SLC5A5: variants seen among roughly 807,000 people sequenced by gnomAD.
SLC5A5 encodes the protein sodium/iodide cotransporter.
A neutral mutation model predicts 68.6 loss-of-function variants in SLC5A5; 56 were observed. The observed-to-expected ratio is 0.82, with a 90% CI of 0.66 to 1.02. The LOEUF (loss-of-function observed/expected upper bound fraction) is 1.02. Ranked by LOEUF, SLC5A5 falls within the 50% of genes least tolerant of loss-of-function variation. The pLI is 0.00. For synonymous variants in SLC5A5, 398 were observed against 373.0 expected, an observed-to-expected ratio of 1.07 and a Z score of -0.77; for missense variants, 807 against 859.8, an observed-to-expected ratio of 0.94 and a Z score of 0.77.
rs201720907 is a variant in SLC5A5, at chr19:17,883,747, C to T, written c.1309C>T (p.Leu437=). ...GGGAGCCTTCATCTTGGGAATGTTC[C>T]TGCCGGCCTGCAACACACCGGTGAG... ...LLGAFILGMF[L]PACNTPGVLA... The change falls in exon 11 of 15, where the codon CTG becomes TTG. Residue 437 remains leucine (L), a synonymous_variant. Coordinates refer to ENST00000222248, the MANE Select transcript of SLC5A5 (RefSeq NM_000453.3). The T allele has an allele frequency of 2.9e-5, 46 of 1,582,322 alleles. No individual in the cohort carries two copies. The highest frequency in any genetic ancestry group is 3.8e-5 in the Non-Finnish European group (44 of 1,161,814).
Position 17,883,746 on chromosome 19 carries a change from C to T in SLC5A5, c.1308C>T (p.Phe436=), listed in dbSNP as rs550806367. ...PLLGAFILGM[F]LPACNTPGVL... is the part of the protein sequence containing the mutation. ...TGGGAGCCTTCATCTTGGGAATGTT[C>T]CTGCCGGCCTGCAACACACCGGTGA... Residue 436 remains phenylalanine (F), a synonymous_variant, in exon 11 of 15, where the codon TTC becomes TTT. Coordinates refer to ENST00000222248, the MANE Select transcript of SLC5A5 (RefSeq NM_000453.3). The T allele has an allele frequency of 3.3e-5, 53 of 1,613,106 alleles. No homozygotes were observed. In the East Asian group the frequency reaches 9.4e-4, roughly 29 times the overall value.
chr19:17,872,268 G>C lies in SLC5A5; in HGVS notation c.-52G>C. 1 of 789,822 alleles carries C rather than the reference G, an allele frequency of 1.3e-6. No homozygotes were observed. Among genetic ancestry groups the C allele is most frequent in the Non-Finnish European group, 1.8e-6 (1 of 541,638 alleles). 48.9% of individuals were successfully genotyped at this position (789,822 alleles called of 1,614,324 possible). On this transcript the variant is annotated 5_prime_UTR_variant, in exon 1 of 15. Coordinates refer to ENST00000222248, the MANE Select transcript of SLC5A5 (RefSeq NM_000453.3). ...TCCTCGGCCCCTGCCAGCTTCCCCC[G>C]CTTGAGCACGCAGGGCGTCCGAGGA...
intron 7 of SLC5A5, among the ~76,000 whole-genome samples, chr19:17,879,325 C>CACAAAA (rs1471819209): frequency 1.3e-5 from 2 of 151,932 alleles, no homozygotes; most frequent in Admixed American, 6.6e-5. Context: ...AAAACAAACC[C>CACAAAA]ACAAAAACAA....
rs2094300531 is a variant in SLC5A5, at chr19:17,874,019, T to C, written c.358-119T>C. 1.2e-5 allele frequency: 9 copies of C among 738,976 alleles called. No individual in the cohort carries two copies. In the South Asian group the frequency reaches 1.3e-4, roughly 11 times the overall value. 45.8% of individuals were successfully genotyped at this position (738,976 alleles called of 1,614,324 possible). ...GCGGCGGGGCCCCCACGTGCAAGAA[T>C]CTGGCGGGCGCGGTTGGCTTCCGGA... On this transcript the variant is annotated intron_variant, in intron 1 of 14. Coordinates refer to ENST00000222248, the MANE Select transcript of SLC5A5 (RefSeq NM_000453.3).
chr19:17,878,101 C>T lies in SLC5A5; in HGVS notation c.969+8C>T. 6.2e-7 allele frequency: 1 copy of T among 1,609,912 alleles called. No homozygotes were observed. The highest frequency in any genetic ancestry group is 1.3e-5 in the African/African-American group (1 of 75,036). On this transcript the variant is annotated splice_region_variant and intron_variant, in intron 7 of 14. Transcript: ENST00000222248. ...ATCTCTGCCCCAGACCAGGTGAGTC[C>T]CACCCAGGCTCCTGGTTGGCTCTGC...
In SLC5A5 at chr19:17,880,788, G is replaced by A. The variant is rs1027830471; in HGVS notation, c.970-77G>A. The A allele has an allele frequency of 1.3e-4, 136 of 1,016,830 alleles. 4 individuals carry two copies. In the South Asian group the frequency reaches 1.7e-3, roughly 12 times the overall value. The allele number at this position is 1,016,830 out of a possible 1,614,324, so 63.0% of individuals were successfully genotyped here. Reference sequence around the variant, plus strand: ...CCTGTCCGTCTTGGGTGCTGGGGACGTGCAGCATCAGGACAGATAGATGCC... The same window carrying A: ...CCTGTCCGTCTTGGGTGCTGGGGACATGCAGCATCAGGACAGATAGATGCC... On this transcript the variant is annotated intron_variant, in intron 7 of 14. Transcript: ENST00000222248.
At chr19:17,885,130 C>G (rs931852966) in intron 12 of SLC5A5, among the ~76,000 whole-genome samples, 8 of 151,728 alleles carry the variant, frequency 5.3e-5, no homozygotes, top group Non-Finnish European at 1.2e-4. Context: ...CCTCAGCCCC[C>G]CTAGTTGCTG....
chr19:17,874,837 G>T lies in SLC5A5; in HGVS notation c.543+106G>T, dbSNP rs1006097132. 2.6e-5 allele frequency: 28 copies of T among 1,060,310 alleles called. 1 individual carries two copies. In the Admixed American group the frequency reaches 5.4e-4, roughly 20 times the overall value. 65.7% of individuals were successfully genotyped at this position (1,060,310 alleles called of 1,614,324 possible). A position where few individuals can be genotyped will look rare whatever the true frequency, so the allele number is the denominator to read the frequency against. On this transcript the variant is annotated intron_variant, in intron 4 of 14. Transcript: ENST00000222248. The stretch of plus-strand genomic sequence containing the variant: ...TTCTCCTGAGGAAGCCTCTGTCCCA[G>T]CTGGGACCCAGTGTCCTCATCTTTA...
At chr19:17,875,905 G>T (rs773748225) in intron 4 of SLC5A5, 47 bp from the exon 5 acceptor site, 4 of 1,609,810 alleles carry the variant, frequency 2.5e-6, no homozygotes, top group Admixed American at 1.7e-5. Context: ...TGAAGGCCAG[G>T]TCCCCCATCT....
intron 13 of SLC5A5, among the ~76,000 whole-genome samples, chr19:17,889,839 C>T (rs943675925): frequency 1.3e-5 from 2 of 152,132 alleles, no homozygotes; most frequent in Non-Finnish European, 2.9e-5. Flanking sequence ...GCCGGTGACT[C>T]CGCACTTGTT....
Position 17,880,867 on chromosome 19 carries a change from C to T in SLC5A5, c.972C>T (p.Tyr324=). 6.2e-7 allele frequency: 1 copy of T among 1,613,000 alleles called. No individual in the cohort carries two copies. Among genetic ancestry groups the T allele is most frequent in the East Asian group, 2.2e-5 (1 of 44,886 alleles). Residue 324 remains tyrosine (Y), a splice_region_variant and synonymous_variant, in exon 8 of 15, where the codon TAC becomes TAT. Coordinates refer to ENST00000222248, the MANE Select transcript of SLC5A5 (RefSeq NM_000453.3). ...GGCTGACCCCCAGTTCTCCCCAGTA[C>T]ATGCCTCTGCTGGTGCTGGACATCT... ...LLGRISAPDQ[Y]MPLLVLDIFE...
intron 1 of SLC5A5, among the ~76,000 whole-genome samples, chr19:17,873,079 A>T (rs2094298309): frequency 6.6e-6 from 1 of 152,162 alleles, no homozygotes; most frequent in Admixed American, 6.5e-5. Context: ...TATCTTGGGC[A>T]AGGGGCGTGC....
At position 17,892,025 on chromosome 19, in the gene SLC5A5, C is replaced by T. The variant is rs564718953; in HGVS notation, c.1767+1024C>T. On this transcript the variant is annotated intron_variant, in intron 14 of 14. Coordinates refer to ENST00000222248, the MANE Select transcript of SLC5A5 (RefSeq NM_000453.3). Reference sequence around the variant, plus strand: ...CAACCAGATGCTGTCAGGCCGGGCACGGTAGCTCACGCCTGTAATCCCAGC... The same window carrying T: ...CAACCAGATGCTGTCAGGCCGGGCATGGTAGCTCACGCCTGTAATCCCAGC... 2.2e-4 allele frequency among the ~76,000 whole-genome samples: 33 copies of T among 152,248 alleles called. No individual in the cohort carries two copies. The Middle Eastern group carries it at 0.024, about 110-fold the overall frequency.
rs1482585493 is a variant in SLC5A5, at chr19:17,872,464, A to C, written c.145A>C (p.Thr49Pro). Reference sequence around the variant, plus strand: ...GCAGCGCAGCGCTGAGGACTTCTTCACCGGGGGCCGGCGCCTGGCGGCCCT... The same window carrying C: ...GCAGCGCAGCGCTGAGGACTTCTTCCCCGGGGGCCGGCGCCTGGCGGCCCT... ...GGQRSAEDFFTGGRRLAALPV... is the reference protein window; with the variant it reads ...GGQRSAEDFFPGGRRLAALPV... The change falls in exon 1 of 15, where the codon ACC becomes CCC. Residue 49 changes from threonine to proline, a missense_variant. Physicochemically the swap from Thr to Pro is conservative, Grantham distance 38 (BLOSUM62 -1). Transcript: ENST00000222248. The C allele has an allele frequency of 6.2e-7, 1 of 1,610,906 alleles. No individual in the cohort carries two copies. The highest frequency in any genetic ancestry group is 8.5e-7 in the Non-Finnish European group (1 of 1,179,096).
chr19:17,880,363 A>G (rs1316030664), intron 7 of SLC5A5, among the ~76,000 whole-genome samples: 1 of 151,254 alleles, frequency 6.6e-6, no homozygotes, highest in Non-Finnish European at 1.5e-5. Context: ...TCCAGGTGCC[A>G]ACCACCACAC....
Position 17,883,998 on chromosome 19 carries a change from T to C in SLC5A5, c.1478T>C (p.Leu493Pro), listed in dbSNP as rs750128873. 10 of 1,572,206 alleles carry C rather than the reference T, an allele frequency of 6.4e-6. No individual in the cohort carries two copies. In the East Asian group the frequency reaches 2.1e-4, roughly 33 times the overall value. Residue 493 changes from leucine to proline, a missense_variant, in exon 12 of 15, where the codon CTC (leucine) becomes CCC (proline). Coordinates refer to ENST00000222248, the MANE Select transcript of SLC5A5 (RefSeq NM_000453.3). Reference protein sequence around the residue: ...CVALSVNASGLLDPALLPAND... With the variant: ...CVALSVNASGPLDPALLPAND... ...GCTCTCTCAGTCAACGCCTCTGGCC[T>C]CCTGGACCCGGCTCTCCTCCCTGCT...
chr19:17,873,856 C>T (rs929350721), intron 1 of SLC5A5, among the ~76,000 whole-genome samples: 8 of 152,226 alleles, frequency 5.3e-5, no homozygotes, highest in Non-Finnish European at 1.0e-4. Context: ...ACGTCGGTGT[C>T]TGCTGAGCGG....
chr19:17,890,922 TGTG>T lies in SLC5A5; in HGVS notation c.1693_1695del (p.Trp565del). 1 of 1,614,064 alleles carries T rather than the reference TGTG, an allele frequency of 6.2e-7. No homozygotes were observed. The highest frequency in any genetic ancestry group is 8.5e-7 in the Non-Finnish European group (1 of 1,179,988). On this transcript the variant is annotated inframe_deletion, in exon 14 of 15. Coordinates refer to ENST00000222248, the MANE Select transcript of SLC5A5 (RefSeq NM_000453.3). ...CGCAGCACCCTGGCCCCGGGATTGT[TGTG>T]GTGGGACCTCGCACGGCAGACAGCA... is the stretch of plus-strand genomic sequence containing the variant.
intron 12 of SLC5A5, among the ~76,000 whole-genome samples, chr19:17,885,331 A>G (rs73520748): frequency 1.4e-5 from 2 of 147,348 alleles, no homozygotes; most frequent in African/African-American, 5.3e-5. Flanking sequence ...TGTTTTGTTT[A>G]TTTATTTATT....
Sources: gnomAD v4.1 joint callset for allele counts (sites outside exome capture counted in the v4.1 genomes callset) on GRCh38, gnomAD v4.1.1 for gene constraint, MANE v1.5 for transcripts, NCBI Gene and HGNC (gene_info 2026-07-23, HGNC 2026-07-21) for gene names.